The following MARCHF1 variants were observed in gnomAD, a reference collection of about 807,000 sequenced individuals.
MARCHF1 encodes the protein membrane associated ring-CH-type finger 1, also known as E3 ubiquitin-protein ligase MARCHF1.
A neutral mutation model predicts 54.2 loss-of-function variants in MARCHF1; 40 were observed. The ratio of observed to expected loss-of-function variants is 0.74; its 90% CI spans 0.57 to 0.96. MARCHF1 has a LOEUF of 0.96. MARCHF1 is among the 40% of genes least tolerant of loss of function. MARCHF1 has a pLI of 0.00. For synonymous variants in MARCHF1, 236 were observed against 236.3 expected, an observed-to-expected ratio of 1.00 and a Z score of 0.01; for missense variants, 586 against 656.5, an observed-to-expected ratio of 0.89 and a Z score of 1.17.
intron 4 of MARCHF1, among the ~76,000 whole-genome samples, chr4:163,771,308 GTC>G (rs1747153681): frequency 6.6e-6 from 1 of 152,164 alleles, no homozygotes; most frequent in Non-Finnish European, 1.5e-5. Context: ...GGTCCAAAAT[GTC>G]AATAGTGCTG....
chr4:163,747,307 C>T (rs1746391506), intron 4 of MARCHF1, among the ~76,000 whole-genome samples: 1 of 152,138 alleles, frequency 6.6e-6, no homozygotes, highest in Admixed American at 6.5e-5. Context: ...GTAAAGTGAT[C>T]CCAAGCTGTA....
intron 1 of MARCHF1, among the ~76,000 whole-genome samples, chr4:164,254,998 G>A (rs1733237677): frequency 6.6e-6 from 1 of 152,132 alleles, no homozygotes; most frequent in African/African-American, 2.4e-5. Flanking sequence ...ACTCACCTCA[G>A]TCTCCCAAAG....
chr4:164,210,323 T>TA (rs1731729501), intron 1 of MARCHF1, among the ~76,000 whole-genome samples: 1 of 152,164 alleles, frequency 6.6e-6, no homozygotes, highest in African/African-American at 2.4e-5. Flanking sequence ...CATGGCAGAT[T>TA]ATATAGAGAA....
intron 4 of MARCHF1, among the ~76,000 whole-genome samples, chr4:163,829,887 T>C (rs1579320576): frequency 1.3e-5 from 2 of 152,296 alleles, no homozygotes; most frequent in South Asian, 4.1e-4. Context: ...AGCAGACAGG[T>C]TAATAACTTG....
intron 5 of MARCHF1, among the ~76,000 whole-genome samples, chr4:163,680,988 A>ACT (rs1392532418): frequency 7.3e-4 from 109 of 150,240 alleles, no homozygotes; most frequent in African/African-American, 2.5e-3. Flanking sequence ...TAATATATGT[A>ACT]ATACATTATG....
chr4:164,013,837 G>A (rs1235376786), intron 2 of MARCHF1, among the ~76,000 whole-genome samples: 1 of 152,100 alleles, frequency 6.6e-6, no homozygotes, highest in African/African-American at 2.4e-5. Context: ...CAAAAGCTGA[G>A]GAATTTCTCA....
chr4:163,601,647 C>A (rs1740969233), intron 7 of MARCHF1, among the ~76,000 whole-genome samples: 1 of 152,022 alleles, frequency 6.6e-6, no homozygotes, highest in Admixed American at 6.6e-5. Flanking sequence ...AGCCTCATAA[C>A]ACGTAAATAT....
intron 4 of MARCHF1, among the ~76,000 whole-genome samples, chr4:163,725,509 A>T (rs1353537262): frequency 6.6e-6 from 1 of 152,104 alleles, no homozygotes; most frequent in Non-Finnish European, 1.5e-5. Flanking sequence ...AACAATAATG[A>T]CATAAAAAGA....
intron 2 of MARCHF1, among the ~76,000 whole-genome samples, chr4:164,028,958 T>C (rs1319218233): frequency 6.6e-6 from 1 of 152,192 alleles, no homozygotes; most frequent in Non-Finnish European, 1.5e-5. Flanking sequence ...TATTGACTCA[T>C]AGTAACTTTA....
chr4:163,646,826 G>T (rs926435605), intron 5 of MARCHF1, among the ~76,000 whole-genome samples: 1 of 151,986 alleles, frequency 6.6e-6, no homozygotes, highest in Non-Finnish European at 1.5e-5. Context: ...CACAAAGGAA[G>T]ATAGCAAGAG....
intron 4 of MARCHF1, among the ~76,000 whole-genome samples, chr4:163,801,605 C>T (rs929769607): frequency 2.5e-4 from 38 of 152,142 alleles, no homozygotes; most frequent in Middle Eastern, 3.4e-3. Flanking sequence ...TTTTACATTC[C>T]TATATACCAT....
intron 2 of MARCHF1, among the ~76,000 whole-genome samples, chr4:164,045,855 T>G: frequency 6.6e-6 from 1 of 152,174 alleles, no homozygotes; most frequent in East Asian, 1.9e-4. Context: ...ATTTCAGTTT[T>G]TATATATAGC....
chr4:163,783,544 T>A lies in MARCHF1; in HGVS notation c.111+70477A>T, dbSNP rs535912527. On this transcript the variant is annotated intron_variant, in intron 4 of 9. Coordinates refer to ENST00000514618, the MANE Select transcript of MARCHF1 (RefSeq NM_001394959.1). ...TTATCCTAGCCTGAGATCTGAGTCA[T>A]CTGTCTTCACCGTAGCTGCAAGAGA... 2.2e-4 allele frequency among the ~76,000 whole-genome samples: 34 copies of A among 152,346 alleles called. 1 individual carries two copies. Among genetic ancestry groups the A allele is most frequent in the African/African-American group, 7.2e-4 (30 of 41,592 alleles).
chr4:163,888,333 A>G (rs1750583790), intron 3 of MARCHF1, among the ~76,000 whole-genome samples: 1 of 152,192 alleles, frequency 6.6e-6, no homozygotes, highest in African/African-American at 2.4e-5. Flanking sequence ...GAGAGGGAAT[A>G]GTCTTATTAG....
At chr4:164,119,950 C>G (rs114553090) in intron 1 of MARCHF1, among the ~76,000 whole-genome samples, 1 of 151,642 alleles carries the variant, frequency 6.6e-6, no homozygotes, top group African/African-American at 2.4e-5. Context: ...TTAAATTGTT[C>G]CTGATAACAC....
chr4:163,730,482 C>T (rs1488092143), intron 4 of MARCHF1, among the ~76,000 whole-genome samples: 3 of 151,998 alleles, frequency 2.0e-5, no homozygotes, highest in Non-Finnish European at 4.4e-5. Context: ...TGTTGAAAAG[C>T]GGACATGTGA....
At chr4:163,852,681 C>G (rs1749673720) in intron 4 of MARCHF1, among the ~76,000 whole-genome samples, 1 of 152,166 alleles carries the variant, frequency 6.6e-6, no homozygotes. Flanking sequence ...GGGATTTAAG[C>G]AAGATCCTCA....
At chr4:163,820,504 CT>C (rs1433312942) in intron 4 of MARCHF1, among the ~76,000 whole-genome samples, 1 of 152,052 alleles carries the variant, frequency 6.6e-6, no homozygotes, top group Non-Finnish European at 1.5e-5. Flanking sequence ...TCATACGTAT[CT>C]TCAACCCAGA....
chr4:163,747,071 T>C (rs1746384315), intron 4 of MARCHF1, among the ~76,000 whole-genome samples: 1 of 152,158 alleles, frequency 6.6e-6, no homozygotes, highest in African/African-American at 2.4e-5. Context: ...TACCGTCGAA[T>C]AGGAGAGAAA....
Sources: allele counts gnomAD v4.1 joint callset (sites outside exome capture counted in the v4.1 genomes callset), GRCh38; gene constraint gnomAD v4.1.1; transcripts MANE v1.5; gene names NCBI Gene and HGNC (gene_info 2026-07-23, HGNC 2026-07-21).